The following UBASH3B variants were observed in gnomAD, a reference collection of about 807,000 sequenced individuals.
UBASH3B encodes the protein ubiquitin-associated and SH3 domain-containing protein B.
A neutral mutation model predicts 83.4 loss-of-function variants in UBASH3B; 37 were observed. That is an observed-to-expected ratio of 0.44 (90% confidence interval 0.34 to 0.58). The LOEUF (loss-of-function observed/expected upper bound fraction) is 0.58, where lower values mean the gene tolerates loss of function less well. Ranked by LOEUF, UBASH3B falls within the 20% of genes least tolerant of loss-of-function variation. The pLI, the probability that UBASH3B is intolerant of heterozygous loss-of-function variation, is 0.01. For synonymous variants in UBASH3B, 304 were observed against 318.3 expected, an observed-to-expected ratio of 0.96 and a Z score of 0.48; for missense variants, 657 against 827.2, an observed-to-expected ratio of 0.79 and a Z score of 2.52.
At chr11:122,657,256 T>C (rs1469035459) in intron 1 of UBASH3B, among the ~76,000 whole-genome samples, 1 of 151,408 alleles carries the variant, frequency 6.6e-6, no homozygotes, top group Non-Finnish European at 1.5e-5. Context: ...CCTTTTTATT[T>C]TTTTCCCTTC....
intron 1 of UBASH3B, among the ~76,000 whole-genome samples, chr11:122,725,574 C>T (rs115784716): frequency 0.011 from 1,712 of 152,296 alleles, 37 homozygotes; most frequent in African/African-American, 0.038. Context: ...ATTATACTCC[C>T]TCTCCATAGC....
At chr11:122,658,036 T>C (rs535445342) in intron 1 of UBASH3B, among the ~76,000 whole-genome samples, 20 of 151,544 alleles carry the variant, frequency 1.3e-4, no homozygotes, top group African/African-American at 4.1e-4. Context: ...ATTAGCTGGG[T>C]GGGGTGGTGC....
chr11:122,776,400 C>A, intron 2 of UBASH3B, 128 bp downstream of exon 2: 1 of 825,702 alleles, frequency 1.2e-6, no homozygotes, highest in Non-Finnish European at 1.8e-6. Flanking sequence ...AAGACTGTGG[C>A]AAGTGCGTTT....
chr11:122,721,244 CAAA>C (rs34298191), intron 1 of UBASH3B, among the ~76,000 whole-genome samples: 1,183 of 73,138 alleles, frequency 0.016, 10 homozygotes, highest in African/African-American at 0.051. Flanking sequence ...GACTGTGTCT[CAAA>C]AAAAAAAAAA....
At chr11:122,760,055 A>G (rs570688364) in intron 1 of UBASH3B, among the ~76,000 whole-genome samples, 1 of 152,320 alleles carries the variant, frequency 6.6e-6, no homozygotes, top group East Asian at 1.9e-4. Context: ...TAACATCTTC[A>G]GGAAGTTCAT....
intron 4 of UBASH3B, among the ~76,000 whole-genome samples, chr11:122,779,941 A>ATTTGT (rs1355129255): frequency 3.3e-5 from 5 of 152,140 alleles, no homozygotes; most frequent in Non-Finnish European, 7.3e-5. Flanking sequence ...CTAACACCCA[A>ATTTGT]GTTGAAGTTT....
chr11:122,708,730 T>G (rs1864155855), intron 1 of UBASH3B, among the ~76,000 whole-genome samples: 1 of 152,246 alleles, frequency 6.6e-6, no homozygotes, highest in Non-Finnish European at 1.5e-5. Flanking sequence ...CTAAGTATGA[T>G]GTTGGCATGA....
At chr11:122,762,811 G>T (rs1032008898) in intron 1 of UBASH3B, among the ~76,000 whole-genome samples, 2 of 152,176 alleles carry the variant, frequency 1.3e-5, no homozygotes, top group African/African-American at 4.8e-5. Context: ...AAGAATCTGG[G>T]TCTTCTGGTC....
chr11:122,674,541 C>A (rs980251606), intron 1 of UBASH3B, among the ~76,000 whole-genome samples: 1 of 151,912 alleles, frequency 6.6e-6, no homozygotes, highest in African/African-American at 2.4e-5. Context: ...CCACCACACC[C>A]GGCTAATTTT....
At chr11:122,666,720 G>C (rs1046421712) in intron 1 of UBASH3B, among the ~76,000 whole-genome samples, 1 of 152,062 alleles carries the variant, frequency 6.6e-6, no homozygotes, top group African/African-American at 2.4e-5. Context: ...CCCAGCTGCA[G>C]TTTCATTTTG....
intron 1 of UBASH3B, among the ~76,000 whole-genome samples, chr11:122,760,917 T>C (rs996388488): frequency 6.6e-6 from 1 of 152,222 alleles, no homozygotes; most frequent in African/African-American, 2.4e-5. Flanking sequence ...CATCTCTTTA[T>C]ACCATGAACC....
At chr11:122,708,750 C>G (rs1402530650) in intron 1 of UBASH3B, among the ~76,000 whole-genome samples, 1 of 152,200 alleles carries the variant, frequency 6.6e-6, no homozygotes, top group Non-Finnish European at 1.5e-5. Context: ...AGTCTTGGCT[C>G]TGTCTTCCAG....
chr11:122,782,284 C>T (rs914552486), intron 4 of UBASH3B: 1 of 152,050 alleles, frequency 6.6e-6, no homozygotes, highest in Non-Finnish European at 1.5e-5. Context: ...AAGCCATTCC[C>T]TCCTATAGGT....
At chr11:122,690,177 TA>T (rs1565530143) in intron 1 of UBASH3B, among the ~76,000 whole-genome samples, 2 of 33,498 alleles carry the variant, frequency 6.0e-5, no homozygotes, top group African/African-American at 8.6e-5. Context: ...CATATATATA[TA>T]TATATATATA....
rs370700396 is a variant in UBASH3B, at chr11:122,802,044, C to T, written c.1595+712C>T. Among the ~76,000 whole-genome samples the T allele has an allele frequency of 3.3e-5, 5 of 152,074 alleles. No individual in the cohort carries two copies. In the East Asian group the frequency reaches 5.8e-4, roughly 18 times the overall value. ...TAAGAATTAATAATAGGGCTGGGCA[C>T]GGTGGCTCACGCCTATAATCCCAGC... On this transcript the variant is annotated intron_variant, in intron 11 of 13. Transcript: ENST00000284273.
chr11:122,763,359 A>G (rs1387643369), intron 1 of UBASH3B, among the ~76,000 whole-genome samples: 1 of 152,196 alleles, frequency 6.6e-6, no homozygotes, highest in Non-Finnish European at 1.5e-5. Context: ...GCCCTGCCAC[A>G]TAAAAACATC....
chr11:122,663,754 G>C (rs994068862), intron 1 of UBASH3B, among the ~76,000 whole-genome samples: 4 of 152,240 alleles, frequency 2.6e-5, no homozygotes, highest in African/African-American at 9.6e-5. Flanking sequence ...ATAGACAGAA[G>C]TCTGAACTTG....
At chr11:122,807,280 A>G (rs1482679999) in intron 12 of UBASH3B, among the ~76,000 whole-genome samples, 1 of 152,232 alleles carries the variant, frequency 6.6e-6, no homozygotes, top group Non-Finnish European at 1.5e-5. Context: ...TGGACACACA[A>G]CAGTCCTGTA....
In UBASH3B at chr11:122,656,075, C is replaced by A; in HGVS notation, c.26C>A (p.Pro9Gln). 3.1e-6 allele frequency: 5 copies of A among 1,600,334 alleles called. No individual in the cohort carries two copies. Among genetic ancestry groups the A allele is most frequent in the East Asian group, 2.3e-5 (1 of 43,744 alleles). MAQYGHPSPLGMAAREELY... is the reference protein window; with the variant it reads MAQYGHPSQLGMAAREELY... ...ATGGCTCAGTACGGCCACCCCAGTC[C>A]GCTCGGCATGGCTGCGAGAGAGGAG... The change falls in exon 1 of 14, where the codon CCG becomes CAG. Residue 9 changes from proline to glutamine, a missense_variant. Physicochemically the swap from Pro to Gln is moderately conservative, Grantham distance 76. Around this residue, in one of 3 missense-constraint regions of UBASH3B, gnomAD observed 78 missense variants for 68.4 expected, o/e 1.14. Transcript: ENST00000284273.
Sources: gnomAD v4.1 joint callset for allele counts (sites outside exome capture counted in the v4.1 genomes callset) on GRCh38, gnomAD v4.1.1 for gene constraint, gnomAD v4.1.1 regional missense constraint, MANE v1.5 for transcripts, NCBI Gene and HGNC (gene_info 2026-07-23, HGNC 2026-07-21) for gene names.